Variants in DEDD observed in about 807,000 individuals in gnomAD.
DEDD encodes the protein death effector domain containing, also known as death effector domain-containing protein.
Under a neutral mutation model 29.2 loss-of-function variants are expected in DEDD, and 3 were observed. That is an observed-to-expected ratio of 0.10 (90% confidence interval 0.05 to 0.27). The LOEUF is 0.27. DEDD is among the 10% of genes least tolerant of loss of function. DEDD has a pLI of 1.00. For synonymous variants in DEDD, 152 were observed against 161.3 expected, an observed-to-expected ratio of 0.94 and a Z score of 0.44; for missense variants, 261 against 420.5, an observed-to-expected ratio of 0.62 and a Z score of 3.32.
chr1:161,128,793 T>C (rs1656391188), intron 2 of DEDD, among the ~76,000 whole-genome samples: 1 of 151,754 alleles, frequency 6.6e-6, no homozygotes, highest in Non-Finnish European at 1.5e-5. Flanking sequence ...TCCAAACCCA[T>C]CAAACAACAT....
In DEDD at chr1:161,121,013, G is replaced by C; in HGVS notation, c.*1134C>G. ...CATTGTTTATTTCATGGAAACTGAA[G>C]TTCTGCTGAGGGCTGAGCAGCACTG... On this transcript the variant is annotated 3_prime_UTR_variant, in exon 6 of 6. Coordinates refer to ENST00000368006, the MANE Select transcript of DEDD (RefSeq NM_032998.3). 2.2e-6 allele frequency: 3 copies of C among 1,377,672 alleles called. No homozygotes were observed. Among genetic ancestry groups the C allele is most frequent in the Non-Finnish European group, 2.8e-6 (3 of 1,065,442 alleles). 85.3% of individuals were successfully genotyped at this position (1,377,672 alleles called of 1,614,324 possible).
chr1:161,132,477 C>G (rs1017932335), intron 1 of DEDD, 74 bp downstream of exon 1: 1 of 155,168 alleles, frequency 6.4e-6, no homozygotes, highest in Non-Finnish European at 1.5e-5. Context: ...TCCCCAAGCC[C>G]TTTGCGGCCC....
chr1:161,121,062 A>C lies in DEDD; in HGVS notation c.*1085T>G. On this transcript the variant is annotated 3_prime_UTR_variant, in exon 6 of 6. Transcript: ENST00000368006. ...TGGCATTGAAAAATATAATAATCAT[A>C]AAGTCTGTGTCTGGACATCGCCTTT... The C allele has an allele frequency of 8.1e-7, 1 of 1,238,540 alleles. No homozygotes were observed. Among genetic ancestry groups the C allele is most frequent in the East Asian group, 4.4e-5 (1 of 22,896 alleles). 76.7% of individuals were successfully genotyped at this position (1,238,540 alleles called of 1,614,324 possible). A position where few individuals can be genotyped will look rare whatever the true frequency, so the allele number is the denominator to read the frequency against.
chr1:161,130,110 C>A (rs1183109584), intron 2 of DEDD, among the ~76,000 whole-genome samples: 2 of 151,902 alleles, frequency 1.3e-5, no homozygotes, highest in Non-Finnish European at 2.9e-5. Context: ...TAGGGGAAAG[C>A]GACATGAAAG....
intron 2 of DEDD, among the ~76,000 whole-genome samples, chr1:161,128,055 T>G (rs1388426073): frequency 1.3e-5 from 2 of 152,196 alleles, no homozygotes; most frequent in Non-Finnish European, 2.9e-5. Context: ...TCTATAAGCT[T>G]CAATCCTTTG....
In DEDD at chr1:161,123,513, G is replaced by A. The variant is rs373717034; in HGVS notation, c.434-292C>T. Among the ~76,000 whole-genome samples, 5 of 152,058 alleles carry A rather than the reference G, an allele frequency of 3.3e-5. No individual in the cohort carries two copies. The East Asian group carries it at 7.8e-4, about 24-fold the overall frequency. On this transcript the variant is annotated intron_variant, in intron 4 of 5. Coordinates refer to ENST00000368006, the MANE Select transcript of DEDD (RefSeq NM_032998.3). ...TAGCTGGGCGTGCTGGCGGGCGCCT[G>A]TAGTCCCAGCTACTCAGGAGGCTGA...
At chr1:161,131,219 T>C (rs1167965814) in intron 1 of DEDD, 1 of 152,176 alleles carries the variant, frequency 6.6e-6, no homozygotes, top group African/African-American at 2.4e-5. Context: ...CTTTCACCTT[T>C]AGAAAAAACT....
intron 2 of DEDD, among the ~76,000 whole-genome samples, chr1:161,127,067 G>A (rs1656256921): frequency 6.6e-6 from 1 of 152,184 alleles, no homozygotes; most frequent in Non-Finnish European, 1.5e-5. Context: ...CTCATGGAGA[G>A]ATATATTCAT....
intron 2 of DEDD, chr1:161,124,798 A>C (rs1271479823): frequency 9.5e-6 from 2 of 209,724 alleles, no homozygotes; most frequent in Admixed American, 1.0e-4. Context: ...CCGTTTCTAC[A>C]AAAAAAGAAA....
chr1:161,123,336 T>C lies in DEDD; in HGVS notation c.434-115A>G, dbSNP rs147256660. On this transcript the variant is annotated intron_variant, in intron 4 of 5. Coordinates refer to ENST00000368006, the MANE Select transcript of DEDD (RefSeq NM_032998.3). Reference sequence around the variant, plus strand: ...CTTAGCACTAAAAGCAGTGGAAAAATGTGACTTGAAAAGACATGTGAGACC... The same window carrying C: ...CTTAGCACTAAAAGCAGTGGAAAAACGTGACTTGAAAAGACATGTGAGACC... The C allele has an allele frequency of 4.6e-3, 4,954 of 1,085,126 alleles. 66 individuals are homozygous for C. The highest frequency in any genetic ancestry group is 0.025 in the South Asian group (1,645 of 66,958). 67.2% of individuals were successfully genotyped at this position (1,085,126 alleles called of 1,614,324 possible). A position where few individuals can be genotyped will look rare whatever the true frequency, so the allele number is the denominator to read the frequency against.
Position 161,122,613 on chromosome 1 carries a change from TAAA to T in DEDD, c.581-93_581-91del. 1 of 1,489,632 alleles carries T rather than the reference TAAA, an allele frequency of 6.7e-7. No homozygotes were observed. The highest frequency in any genetic ancestry group is 1.4e-5 in the African/African-American group (1 of 71,192). The allele number at this position is 1,489,632 out of a possible 1,614,324, so 92.3% of individuals were successfully genotyped here. ...TTGAAAACTGAAAAGCACAACAGAA[TAAA>T]AAAGTAGGGAATATCACCTGACAGC... On this transcript the variant is annotated intron_variant, in intron 5 of 5. Coordinates refer to ENST00000368006, the MANE Select transcript of DEDD (RefSeq NM_032998.3). The surrounding 1 kb of genome is among the most constrained non-coding windows in gnomAD (Gnocchi z 4.2).
intron 2 of DEDD, among the ~76,000 whole-genome samples, 185 bp downstream of exon 2, chr1:161,130,630 C>T (rs191625472): frequency 1.3e-5 from 2 of 152,256 alleles, no homozygotes; most frequent in East Asian, 3.9e-4. Flanking sequence ...CCTTCTCTTT[C>T]ACCTCCTATC....
rs1378841177 is a variant in DEDD, at chr1:161,122,008, CTT to C, written c.*137_*138del. On this transcript the variant is annotated 3_prime_UTR_variant, in exon 6 of 6. Transcript: ENST00000368006. The surrounding 1 kb of genome is among the most constrained non-coding windows in gnomAD (Gnocchi z 4.2). Reference sequence around the variant, plus strand: ...GGGTGGGGAATACCACTTCCACTTTCTTTTGTCTTTTTCTTTAAAAAAAAAAA... The same window carrying C: ...GGGTGGGGAATACCACTTCCACTTTCTTGTCTTTTTCTTTAAAAAAAAAAA... The C allele has an allele frequency of 1.8e-5, 21 of 1,180,136 alleles. No homozygotes were observed. Among genetic ancestry groups the C allele is most frequent in the Non-Finnish European group, 2.3e-5 (20 of 862,708 alleles). 73.1% of individuals were successfully genotyped at this position (1,180,136 alleles called of 1,614,324 possible).
chr1:161,124,237 G>A lies in DEDD; in HGVS notation c.226C>T (p.Arg76Cys), dbSNP rs755999298. Residue 76 changes from arginine to cysteine, a missense_variant, in exon 3 of 6, where the codon CGC (arginine) becomes TGC (cysteine). This residue lies in a region of DEDD where 203 missense variants were observed against 268.7 expected (regional missense o/e 0.76). Transcript: ENST00000368006. ...TGGCGAAAGTTACTTTCATCACAGC[G>A]GCCCTGGCGCTCCAGTGCCAATAAG... ...DFLLALERQG[R>C]CDESNFRQVL... 1 of 1,614,206 alleles carries A rather than the reference G, an allele frequency of 6.2e-7. No homozygotes were observed. Among genetic ancestry groups the A allele is most frequent in the Admixed American group, 1.7e-5 (1 of 60,026 alleles).
intron 2 of DEDD, chr1:161,125,035 G>C (rs1656014961): frequency 6.5e-6 from 1 of 153,948 alleles, no homozygotes; most frequent in South Asian, 2.0e-4. Flanking sequence ...GTTCAAGGCT[G>C]CAGTGAGCCA....
chr1:161,123,295 G>A, intron 4 of DEDD, 74 bp from the exon 5 acceptor site: 2 of 1,410,388 alleles, frequency 1.4e-6, no homozygotes, highest in Non-Finnish European at 2.0e-6. Flanking sequence ...TTGGAATGAG[G>A]AAGGAATCAT....
chr1:161,130,313 G>A (rs761791599), intron 2 of DEDD, among the ~76,000 whole-genome samples: 1 of 152,172 alleles, frequency 6.6e-6, no homozygotes, highest in Non-Finnish European at 1.5e-5. Flanking sequence ...AAATCTTAAA[G>A]ATGGTTAAGA....
intron 2 of DEDD, among the ~76,000 whole-genome samples, chr1:161,127,735 A>G (rs1656312457): frequency 6.6e-6 from 1 of 152,208 alleles, no homozygotes; most frequent in Non-Finnish European, 1.5e-5. Context: ...CTAAAGGAAA[A>G]TAAGTTATTG....
rs777202526 is a variant in DEDD, at chr1:161,124,194, C to T, written c.269G>A (p.Arg90His). 10 of 1,614,216 alleles carry T rather than the reference C, an allele frequency of 6.2e-6. No homozygotes were observed. The highest frequency in any genetic ancestry group is 1.7e-5 in the Admixed American group (1 of 60,024). The change falls in exon 3 of 6, where the codon CGC becomes CAC. Residue 90 changes from arginine to histidine, a missense_variant. Around this residue, in one of 2 missense-constraint regions of DEDD, gnomAD observed 203 missense variants for 268.7 expected, o/e 0.76. Coordinates refer to ENST00000368006, the MANE Select transcript of DEDD (RefSeq NM_032998.3). Reference sequence around the variant, plus strand: ...CAGCAGGTCGTGGCGAGTGATGATGCGCAGCAGCTGCAGCACCTGGCGAAA... The same window carrying T: ...CAGCAGGTCGTGGCGAGTGATGATGTGCAGCAGCTGCAGCACCTGGCGAAA... ...SNFRQVLQLL[R>H]IITRHDLLPY...
Sources: gnomAD v4.1 joint callset for allele counts (sites outside exome capture counted in the v4.1 genomes callset) on GRCh38, gnomAD v4.1.1 for gene constraint, gnomAD v4.1.1 regional missense constraint, Gnocchi (gnomAD v3.1) non-coding constraint, MANE v1.5 for transcripts, NCBI Gene and HGNC (gene_info 2026-07-23, HGNC 2026-07-21) for gene names.